ZFPM2: variants seen among roughly 807,000 people sequenced by gnomAD.
The protein encoded by ZFPM2 is zinc finger protein, FOG family member 2.
Under a neutral mutation model 98.6 loss-of-function variants are expected in ZFPM2, and 20 were observed. The ratio of observed to expected loss-of-function variants is 0.20; its 90% CI spans 0.14 to 0.29. The LOEUF (loss-of-function observed/expected upper bound fraction) is 0.29, where lower values mean the gene tolerates loss of function less well. Ranked by LOEUF, ZFPM2 falls within the 10% of genes least tolerant of loss-of-function variation. The pLI is 1.00. For missense variants in ZFPM2, 1,310 were observed against 1,388.6 expected, an observed-to-expected ratio of 0.94 and a Z score of 0.90; for synonymous variants, 518 against 502.7, an observed-to-expected ratio of 1.03 and a Z score of -0.41.
At chr8:105,357,063 C>T (rs996897482) in intron 1 of ZFPM2, among the ~76,000 whole-genome samples, 1 of 151,318 alleles carries the variant, frequency 6.6e-6, no homozygotes, top group Non-Finnish European at 1.5e-5. Flanking sequence ...ATTTCTCCTA[C>T]TGTCAAGCCC....
At chr8:105,761,608 T>G (rs1161193540) in intron 5 of ZFPM2, among the ~76,000 whole-genome samples, 8 of 151,950 alleles carry the variant, frequency 5.3e-5, no homozygotes, top group Non-Finnish European at 1.2e-4. Context: ...GTATTTCTAC[T>G]TTTGTCCTTC....
At chr8:105,601,803 G>A (rs537225638) in intron 4 of ZFPM2, among the ~76,000 whole-genome samples, 1 of 152,178 alleles carries the variant, frequency 6.6e-6, no homozygotes, top group Admixed American at 6.5e-5. Context: ...AAATGAGAAT[G>A]TATTAAGAAC....
At chr8:105,336,313 G>A (rs1160896401) in intron 1 of ZFPM2, among the ~76,000 whole-genome samples, 4 of 151,622 alleles carry the variant, frequency 2.6e-5, no homozygotes, top group Non-Finnish European at 5.9e-5. Context: ...CATGTAAATC[G>A]TTTAGAACAG....
At chr8:105,678,472 T>C (rs1019224077) in intron 5 of ZFPM2, 1 of 152,242 alleles carries the variant, frequency 6.6e-6, no homozygotes, top group African/African-American at 2.4e-5. Context: ...TCATTGTCTC[T>C]GTTTTAGAAA....
At position 105,459,784 on chromosome 8, in the gene ZFPM2, A is replaced by G. The variant is rs567839841; in HGVS notation, c.301+15403A>G. ...CATTTAACCACAATTACCTCCTTAA[A>G]GGCTATACCTTCAAAGAGAGTCACA... On this transcript the variant is annotated intron_variant, in intron 3 of 7. Transcript: ENST00000407775. 2.0e-5 allele frequency among the ~76,000 whole-genome samples: 3 copies of G among 152,224 alleles called. No individual in the cohort carries two copies. In the South Asian group the frequency reaches 6.2e-4, roughly 32 times the overall value.
chr8:105,608,587 T>TTTG (rs1816244101), intron 4 of ZFPM2, among the ~76,000 whole-genome samples: 1 of 150,514 alleles, frequency 6.6e-6, no homozygotes, highest in Non-Finnish European at 1.5e-5. Flanking sequence ...AGAGTTTTTT[T>TTTG]TTTTTTTTTT....
intron 3 of ZFPM2, among the ~76,000 whole-genome samples, chr8:105,447,603 A>G (rs776909356): frequency 2.6e-5 from 4 of 152,132 alleles, no homozygotes; most frequent in Non-Finnish European, 2.9e-5. Flanking sequence ...TTCGATTTCA[A>G]GGTCTTCTAA....
chr8:105,517,461 A>G lies in ZFPM2; in HGVS notation c.302-43902A>G, dbSNP rs796193015. On this transcript the variant is annotated intron_variant, in intron 3 of 7. Coordinates refer to ENST00000407775, the MANE Select transcript of ZFPM2 (RefSeq NM_012082.4). ...TGGACAGCATGATGTTTTGATATACATATATACTGTGAAATGATTACCAAC... is the reference window on the plus strand; with the variant it reads ...TGGACAGCATGATGTTTTGATATACGTATATACTGTGAAATGATTACCAAC... 1.6e-4 allele frequency among the ~76,000 whole-genome samples: 25 copies of G among 152,290 alleles called. 1 individual carries two copies. Among genetic ancestry groups the G allele is most frequent in the African/African-American group, 6.0e-4 (25 of 41,564 alleles).
chr8:105,576,653 A>T (rs1815474538), intron 4 of ZFPM2, among the ~76,000 whole-genome samples: 2 of 152,208 alleles, frequency 1.3e-5, no homozygotes, highest in Admixed American at 6.6e-5. Flanking sequence ...GATAGGATAG[A>T]TCTATTTGTA....
intron 1 of ZFPM2, among the ~76,000 whole-genome samples, chr8:105,351,359 G>GTC (rs1554596838): frequency 1.4e-5 from 2 of 145,836 alleles, no homozygotes; most frequent in African/African-American, 5.5e-5. Context: ...TATTTCGTGT[G>GTC]TGTGTGTGTG....
At chr8:105,648,641 T>A (rs1053838594) in intron 5 of ZFPM2, among the ~76,000 whole-genome samples, 7 of 152,208 alleles carry the variant, frequency 4.6e-5, no homozygotes, top group Non-Finnish European at 1.0e-4. Context: ...GGGAATCCTT[T>A]CCCCATTTCT....
chr8:105,790,034 T>A (rs1208514681), intron 6 of ZFPM2, among the ~76,000 whole-genome samples: 1 of 151,740 alleles, frequency 6.6e-6, no homozygotes, highest in Non-Finnish European at 1.5e-5. Context: ...ATTTTGTAGG[T>A]TGCCTGTTCA....
At chr8:105,646,484 G>C (rs1469714807) in intron 5 of ZFPM2, among the ~76,000 whole-genome samples, 2 of 152,244 alleles carry the variant, frequency 1.3e-5, no homozygotes, top group South Asian at 4.1e-4. Context: ...AGTTATGAAG[G>C]CTTCTGCGGG....
intron 3 of ZFPM2, among the ~76,000 whole-genome samples, chr8:105,490,459 T>C (rs924248995): frequency 6.6e-6 from 1 of 152,240 alleles, no homozygotes; most frequent in Non-Finnish European, 1.5e-5. Context: ...TAGTCCAGAA[T>C]AATAGTCCTT....
intron 5 of ZFPM2, among the ~76,000 whole-genome samples, chr8:105,661,763 G>A (rs998246770): frequency 2.5e-4 from 38 of 152,010 alleles, no homozygotes; most frequent in African/African-American, 8.7e-4. Context: ...AAAGAAAGCT[G>A]CAAGGAACAG....
intron 3 of ZFPM2, among the ~76,000 whole-genome samples, chr8:105,497,761 A>C (rs1813504782): frequency 6.6e-6 from 1 of 152,120 alleles, no homozygotes; most frequent in African/African-American, 2.4e-5. Flanking sequence ...TAGTGAGAAG[A>C]ACTTTGTGGG....
At chr8:105,461,929 A>G (rs1334716100) in intron 3 of ZFPM2, among the ~76,000 whole-genome samples, 1 of 152,062 alleles carries the variant, frequency 6.6e-6, no homozygotes, top group East Asian at 1.9e-4. Flanking sequence ...TCACCATTTC[A>G]TTTATCTGTT....
chr8:105,430,781 AC>A (rs1196584393), intron 2 of ZFPM2, among the ~76,000 whole-genome samples: 1 of 152,078 alleles, frequency 6.6e-6, no homozygotes, highest in African/African-American at 2.4e-5. Flanking sequence ...GGCTGATGGG[AC>A]CTAGAATACT....
At position 105,496,154 on chromosome 8, in the gene ZFPM2, T is replaced by A. The variant is rs957589884; in HGVS notation, c.301+51773T>A. Among the ~76,000 whole-genome samples, 34 of 152,214 alleles carry A rather than the reference T, an allele frequency of 2.2e-4. 1 individual carries two copies. The East Asian group carries it at 5.8e-3, about 26-fold the overall frequency. The stretch of plus-strand genomic sequence containing the variant: ...ATTACATTTAGGTTTTGTATCTTTT[T>A]TACATTTATTTATTTATTTATATAT... On this transcript the variant is annotated intron_variant, in intron 3 of 7. Transcript: ENST00000407775.
Sources: gnomAD v4.1 joint callset for allele counts (sites outside exome capture counted in the v4.1 genomes callset) on GRCh38, gnomAD v4.1.1 for gene constraint, MANE v1.5 for transcripts, NCBI Gene and HGNC (gene_info 2026-07-23, HGNC 2026-07-21) for gene names.